The following PALLD variants were observed in gnomAD, a reference collection of about 807,000 sequenced individuals.
The protein encoded by PALLD is palladin, cytoskeletal associated protein, also known as palladin.
In PALLD, 61 loss-of-function variants were observed where a neutral mutation model predicts 123.5. That is an observed-to-expected ratio of 0.49 (90% CI 0.40 to 0.61). The LOEUF is 0.61. Among genes scored for constraint, PALLD ranks in the 20% least tolerant of loss-of-function variants. The probability of loss-of-function intolerance (pLI) is 0.00; values close to 1 mark genes in which losing one functional copy is unlikely to be tolerated. For synonymous variants in PALLD, 465 were observed against 496.4 expected, an observed-to-expected ratio of 0.94 and a Z score of 0.84; for missense variants, 1,273 against 1,377.0, an observed-to-expected ratio of 0.92 and a Z score of 1.20.
chr4:168,565,340 A>T (rs1017627410), intron 2 of PALLD, among the ~76,000 whole-genome samples: 1 of 152,164 alleles, frequency 6.6e-6, no homozygotes, highest in African/African-American at 2.4e-5. Context: ...ATATTTAGAG[A>T]CCATTCCATG....
intron 10 of PALLD, among the ~76,000 whole-genome samples, chr4:168,851,339 A>AT (rs146623145): frequency 0.052 from 7,953 of 152,202 alleles, 703 homozygotes; most frequent in African/African-American, 0.18. Context: ...TCTCTCGTAG[A>AT]TTTTTTGCAT....
At chr4:168,738,860 G>A (rs990878698) in intron 10 of PALLD, among the ~76,000 whole-genome samples, 1 of 151,534 alleles carries the variant, frequency 6.6e-6, no homozygotes, top group African/African-American at 2.4e-5. Flanking sequence ...ACATTAATGA[G>A]TACTGTATAA....
At chr4:168,597,277 A>T (rs1028024623) in intron 2 of PALLD, among the ~76,000 whole-genome samples, 2 of 152,150 alleles carry the variant, frequency 1.3e-5, no homozygotes, top group Admixed American at 1.3e-4. Flanking sequence ...ACTACCTAGA[A>T]TTAGCAAGAG....
At chr4:168,797,142 A>G (rs1738624795) in intron 10 of PALLD, among the ~76,000 whole-genome samples, 1 of 152,192 alleles carries the variant, frequency 6.6e-6, no homozygotes, top group African/African-American at 2.4e-5. Flanking sequence ...ATATTTGAAC[A>G]TTTTTATCTC....
intron 10 of PALLD, among the ~76,000 whole-genome samples, chr4:168,822,283 G>T (rs183593326): frequency 1.3e-3 from 192 of 151,820 alleles, no homozygotes; most frequent in African/African-American, 4.3e-3. Context: ...TTTTTGGGGA[G>T]GGGGTGGGGT....
chr4:168,597,126 A>G (rs1772070348), intron 2 of PALLD, among the ~76,000 whole-genome samples: 1 of 152,158 alleles, frequency 6.6e-6, no homozygotes, highest in Non-Finnish European at 1.5e-5. Flanking sequence ...TTTTTTAAAG[A>G]CAACTCTGGC....
At chr4:168,781,421 A>C (rs1735906998) in intron 10 of PALLD, among the ~76,000 whole-genome samples, 1 of 152,240 alleles carries the variant, frequency 6.6e-6, no homozygotes, top group Admixed American at 6.5e-5. Context: ...GAGCACTGGC[A>C]CATAGAGCAC....
intron 9 of PALLD, among the ~76,000 whole-genome samples, chr4:168,710,545 C>T (rs1784736306): frequency 6.6e-6 from 1 of 152,106 alleles, no homozygotes; most frequent in South Asian, 2.1e-4. Context: ...AGAGACACAA[C>T]CAAAACTTAT....
At chr4:168,878,688 G>C (rs1752195899) in intron 10 of PALLD, among the ~76,000 whole-genome samples, 1 of 150,382 alleles carries the variant, frequency 6.6e-6, no homozygotes, top group African/African-American at 2.5e-5. Context: ...ATTATGGGGG[G>C]GGGGGTGCTT....
At chr4:168,651,586 T>G (rs538541820) in intron 2 of PALLD, among the ~76,000 whole-genome samples, 2 of 151,756 alleles carry the variant, frequency 1.3e-5, no homozygotes, top group Non-Finnish European at 2.9e-5. Context: ...TCTTTTTTTT[T>G]CCCCCCCGCA....
chr4:168,602,878 AC>A (rs1772811378), intron 2 of PALLD, among the ~76,000 whole-genome samples: 2 of 151,118 alleles, frequency 1.3e-5, no homozygotes, highest in East Asian at 3.9e-4. Flanking sequence ...CAATCCTCCC[AC>A]CTCAGCCTCC....
At chr4:168,547,800 G>C (rs1360159721) in intron 2 of PALLD, among the ~76,000 whole-genome samples, 1 of 151,968 alleles carries the variant, frequency 6.6e-6, no homozygotes, top group Non-Finnish European at 1.5e-5. Context: ...ACAAAAATTA[G>C]CTGGGCGTGG....
chr4:168,803,144 A>C (rs1490507998), intron 10 of PALLD, among the ~76,000 whole-genome samples: 32 of 152,180 alleles, frequency 2.1e-4, no homozygotes, highest in Admixed American at 2.1e-3. Context: ...TAATTTATGA[A>C]GAAGAGAGGT....
chr4:168,850,490 T>C (rs1044660688), intron 10 of PALLD, among the ~76,000 whole-genome samples: 41 of 150,738 alleles, frequency 2.7e-4, no homozygotes, highest in African/African-American at 9.7e-4. Context: ...CAGTCTCCTT[T>C]TCTCACTTAT....
At chr4:168,615,574 T>C (rs4692945) in intron 2 of PALLD, among the ~76,000 whole-genome samples, 28,867 of 152,198 alleles carry the variant, frequency 0.19, 2,972 homozygotes, top group African/African-American at 0.25. Flanking sequence ...TTTGTTTTCA[T>C]ACTCATTCTC....
intron 10 of PALLD, among the ~76,000 whole-genome samples, chr4:168,739,391 A>G (rs76080921): frequency 0.024 from 3,667 of 152,322 alleles, 131 homozygotes; most frequent in African/African-American, 0.074. Flanking sequence ...CCAACAATAT[A>G]TAAGTTCCCT....
chr4:168,842,437 T>C (rs139328687), intron 10 of PALLD, among the ~76,000 whole-genome samples: 1 of 152,324 alleles, frequency 6.6e-6, no homozygotes, highest in African/African-American at 2.4e-5. Flanking sequence ...CTGGTGTAGA[T>C]ATCATGAGTT....
At chr4:168,582,735 T>C (rs1377539823) in intron 2 of PALLD, among the ~76,000 whole-genome samples, 1 of 152,318 alleles carries the variant, frequency 6.6e-6, no homozygotes, top group East Asian at 1.9e-4. Context: ...TTTATTGATT[T>C]GCATATGTTG....
At chr4:168,596,251 A>G (rs1771964647) in intron 2 of PALLD, among the ~76,000 whole-genome samples, 2 of 152,116 alleles carry the variant, frequency 1.3e-5, no homozygotes, top group Non-Finnish European at 2.9e-5. Flanking sequence ...ACTATATATT[A>G]TATTATACAT....
Sources: allele counts gnomAD v4.1 joint callset (sites outside exome capture counted in the v4.1 genomes callset), GRCh38; gene constraint gnomAD v4.1.1; transcripts MANE v1.5; gene names NCBI Gene and HGNC (gene_info 2026-07-23, HGNC 2026-07-21).